BRINP3: variants seen among roughly 807,000 people sequenced by gnomAD.
BRINP3 encodes BMP/retinoic acid inducible neural specific 3.
BRINP3 carries 19 observed loss-of-function variants against 71.0 expected under a neutral mutation model. That is an observed-to-expected ratio of 0.27 (90% confidence interval 0.19 to 0.39). The LOEUF (loss-of-function observed/expected upper bound fraction) is 0.39, where lower values mean the gene tolerates loss of function less well. BRINP3 is among the 10% of genes least tolerant of loss of function. BRINP3 has a pLI of 1.00. For missense variants in BRINP3, 959 were observed against 940.8 expected, an observed-to-expected ratio of 1.02 and a Z score of -0.25; for synonymous variants, 380 against 337.7, an observed-to-expected ratio of 1.13 and a Z score of -1.37.
At chr1:190,474,189 G>A (rs537587375) in intron 1 of BRINP3, among the ~76,000 whole-genome samples, 1 of 152,116 alleles carries the variant, frequency 6.6e-6, no homozygotes, top group East Asian at 1.9e-4. Context: ...TTGTAACATG[G>A]CTACACATTT....
intron 6 of BRINP3, among the ~76,000 whole-genome samples, chr1:190,187,923 T>C (rs1039388683): frequency 2.6e-5 from 4 of 151,978 alleles, no homozygotes; most frequent in African/African-American, 9.7e-5. Context: ...AAAAATCTTA[T>C]TGATATTTTG....
intron 7 of BRINP3, among the ~76,000 whole-genome samples, chr1:190,148,976 G>C (rs1265876767): frequency 6.6e-6 from 1 of 152,096 alleles, no homozygotes; most frequent in African/African-American, 2.4e-5. Context: ...GCCTGAGTTT[G>C]GACTCTAGCT....
At chr1:190,420,558 A>G (rs1179563455) in intron 2 of BRINP3, among the ~76,000 whole-genome samples, 1 of 151,990 alleles carries the variant, frequency 6.6e-6, no homozygotes, top group Non-Finnish European at 1.5e-5. Flanking sequence ...TTTCAGGACT[A>G]CATCATTTCT....
chr1:190,148,681 C>T (rs1327199519), intron 7 of BRINP3, among the ~76,000 whole-genome samples: 1 of 151,574 alleles, frequency 6.6e-6, no homozygotes, highest in Non-Finnish European at 1.5e-5. Flanking sequence ...ATTTATAGTA[C>T]TGCATTAGCT....
chr1:190,475,622 T>C (rs1201471367), intron 1 of BRINP3, among the ~76,000 whole-genome samples: 1 of 152,134 alleles, frequency 6.6e-6, no homozygotes, highest in Non-Finnish European at 1.5e-5. Context: ...TGAGCTCAGG[T>C]GGCATAGGCG....
At chr1:190,311,301 T>A (rs1175958900) in intron 2 of BRINP3, among the ~76,000 whole-genome samples, 5 of 151,600 alleles carry the variant, frequency 3.3e-5, no homozygotes, top group Admixed American at 3.3e-4. Context: ...ATGAGAAATA[T>A]GAGGAAAGCA....
intron 4 of BRINP3, among the ~76,000 whole-genome samples, chr1:190,240,872 CAAAAAAA>C (rs71123078): frequency 1.3e-4 from 5 of 38,258 alleles, no homozygotes; most frequent in East Asian, 8.9e-4. Context: ...AACTCTGTCT[CAAAAAAA>C]AAAAAAAAAA....
At chr1:190,336,840 T>TTCCTTCCTTCCTTCCC (rs1277371016) in intron 2 of BRINP3, among the ~76,000 whole-genome samples, 4 of 112,608 alleles carry the variant, frequency 3.6e-5, no homozygotes, top group Admixed American at 1.2e-4. Flanking sequence ...CCCTCCCTCC[T>TTCCTTCCTTCCTTCCC]TCCTTCCTTC....
intron 1 of BRINP3, among the ~76,000 whole-genome samples, chr1:190,457,113 A>G (rs1038059331): frequency 6.6e-6 from 1 of 152,166 alleles, no homozygotes; most frequent in Non-Finnish European, 1.5e-5. Flanking sequence ...TAGTGGTTAA[A>G]AAAATGGACT....
At chr1:190,238,486 A>G (rs1441917410) in intron 4 of BRINP3, among the ~76,000 whole-genome samples, 1 of 152,098 alleles carries the variant, frequency 6.6e-6, no homozygotes, top group Non-Finnish European at 1.5e-5. Context: ...GCAACACTGA[A>G]AACTCACTTG....
intron 2 of BRINP3, among the ~76,000 whole-genome samples, chr1:190,428,042 G>C (rs1237328136): frequency 6.6e-6 from 1 of 151,688 alleles, no homozygotes; most frequent in Non-Finnish European, 1.5e-5. Context: ...ATGGCCTCCA[G>C]ATCCTTTCAG....
chr1:190,440,546 T>G (rs1292832209), intron 2 of BRINP3, among the ~76,000 whole-genome samples: 1 of 152,002 alleles, frequency 6.6e-6, no homozygotes, highest in African/African-American at 2.4e-5. Context: ...TGGAATGTCA[T>G]AGTGAGAAAT....
chr1:190,302,179 G>A (rs1664783995), intron 2 of BRINP3, among the ~76,000 whole-genome samples: 1 of 149,836 alleles, frequency 6.7e-6, no homozygotes, highest in Admixed American at 6.7e-5. Context: ...AGACCACAGT[G>A]TATGTTACAG....
At chr1:190,165,883 A>T (rs560665274) in intron 6 of BRINP3, among the ~76,000 whole-genome samples, 9 of 152,112 alleles carry the variant, frequency 5.9e-5, no homozygotes, top group Non-Finnish European at 1.0e-4. Flanking sequence ...AAAGTTACCA[A>T]GGGCTGAAAT....
At chr1:190,231,328 T>C (rs537012562) in intron 5 of BRINP3, among the ~76,000 whole-genome samples, 4 of 151,820 alleles carry the variant, frequency 2.6e-5, no homozygotes, top group African/African-American at 4.8e-5. Context: ...ATTTTTATTA[T>C]AAGCCAAAAC....
chr1:190,451,688 T>C (rs192086079), intron 2 of BRINP3, among the ~76,000 whole-genome samples: 8 of 152,282 alleles, frequency 5.3e-5, no homozygotes, highest in African/African-American at 1.7e-4. Flanking sequence ...TAAATAACTT[T>C]AAATATACAC....
At chr1:190,335,126 C>A (rs1450485128) in intron 2 of BRINP3, among the ~76,000 whole-genome samples, 1 of 151,770 alleles carries the variant, frequency 6.6e-6, no homozygotes, top group African/African-American at 2.4e-5. Context: ...AGGGAGAATT[C>A]TTTTAAAGAC....
At chr1:190,208,486 T>A (rs1655708472) in intron 6 of BRINP3, among the ~76,000 whole-genome samples, 1 of 151,908 alleles carries the variant, frequency 6.6e-6, no homozygotes. Flanking sequence ...ATTTATTTGT[T>A]TGTTTATTTA....
chr1:190,357,590 A>G (rs1487181308), intron 2 of BRINP3, among the ~76,000 whole-genome samples: 1 of 151,952 alleles, frequency 6.6e-6, no homozygotes, highest in African/African-American at 2.4e-5. Flanking sequence ...TATAGTTTGA[A>G]GTCAGGTAGC....
Sources: gnomAD v4.1 joint callset for allele counts (sites outside exome capture counted in the v4.1 genomes callset) on GRCh38, gnomAD v4.1.1 for gene constraint, MANE v1.5 for transcripts, NCBI Gene and HGNC (gene_info 2026-07-23, HGNC 2026-07-21) for gene names.